The following SCAMP1 variants were observed in gnomAD, a reference collection of about 807,000 sequenced individuals.
SCAMP1 encodes secretory carrier membrane protein 1, also known as secretory carrier-associated membrane protein 1.
Under a neutral mutation model 41.8 loss-of-function variants are expected in SCAMP1, and 15 were observed. The observed-to-expected ratio is 0.36, with a 90% CI of 0.24 to 0.55. The LOEUF (loss-of-function observed/expected upper bound fraction) is 0.55. Among genes scored for constraint, SCAMP1 ranks in the 20% least tolerant of loss-of-function variants. The probability of loss-of-function intolerance (pLI) is 0.86; values close to 1 mark genes in which losing one functional copy is unlikely to be tolerated. For missense variants in SCAMP1, 341 were observed against 412.6 expected, an observed-to-expected ratio of 0.83 and a Z score of 1.50; for synonymous variants, 135 against 136.8, an observed-to-expected ratio of 0.99 and a Z score of 0.09.
At chr5:78,440,145 G>A (rs1384743913) in intron 6 of SCAMP1, among the ~76,000 whole-genome samples, 3 of 152,128 alleles carry the variant, frequency 2.0e-5, no homozygotes, top group African/African-American at 2.4e-5. Flanking sequence ...TGATGGGTTT[G>A]AACATCCTCC....
chr5:78,362,616 T>G lies in SCAMP1; in HGVS notation c.57+1888T>G, dbSNP rs114587656. On this transcript the variant is annotated intron_variant, in intron 1 of 8. Coordinates refer to ENST00000621999, the MANE Select transcript of SCAMP1 (RefSeq NM_004866.6). ...GCATCAGGGACAGATCATTTAGGTC[T>G]AAAGTAGACTTGGTTGTACACATAT... Among the ~76,000 whole-genome samples, 1,348 of 152,360 alleles carry G rather than the reference T, an allele frequency of 8.8e-3. 16 individuals carry two copies. Among genetic ancestry groups the G allele is most frequent in the African/African-American group, 0.031 (1,270 of 41,584 alleles).
chr5:78,364,008 G>A (rs1750732093), intron 1 of SCAMP1, among the ~76,000 whole-genome samples: 1 of 152,206 alleles, frequency 6.6e-6, no homozygotes, highest in Non-Finnish European at 1.5e-5. Flanking sequence ...TTAAAATGGG[G>A]TTTTAAAGCT....
rs1754017586 is a variant in SCAMP1, at chr5:78,476,869, A to G, written c.*1201A>G. On this transcript the variant is annotated 3_prime_UTR_variant, in exon 9 of 9. Coordinates refer to ENST00000621999, the MANE Select transcript of SCAMP1 (RefSeq NM_004866.6). ...TAAATACAGTTAACTGCATTAAGATAATCACGTTAAAATTGTTACTATGCA... is the reference window on the plus strand; with the variant it reads ...TAAATACAGTTAACTGCATTAAGATGATCACGTTAAAATTGTTACTATGCA... 6.6e-6 allele frequency: 1 copy of G among 152,276 alleles called. No individual in the cohort carries two copies. 9.4% of individuals were successfully genotyped at this position (152,276 alleles called of 1,614,324 possible). A position where few individuals can be genotyped will look rare whatever the true frequency, so the allele number is the denominator to read the frequency against.
chr5:78,421,998 C>A, intron 6 of SCAMP1, 38 bp downstream of exon 6: 1 of 1,526,052 alleles, frequency 6.6e-7, no homozygotes, highest in Non-Finnish European at 9.0e-7. Context: ...TCTTTAAAAC[C>A]TGTGAAGTAA....
intron 2 of SCAMP1, among the ~76,000 whole-genome samples, chr5:78,390,745 G>A (rs1418789863): frequency 1.3e-5 from 2 of 150,420 alleles, no homozygotes; most frequent in African/African-American, 4.9e-5. Flanking sequence ...GGGAAGGTCA[G>A]CAGATAAACA....
In SCAMP1 at chr5:78,460,781, C is replaced by T. The variant is rs928375272; in HGVS notation, c.852+1419C>T. On this transcript the variant is annotated intron_variant, in intron 8 of 8. Transcript: ENST00000621999. Reference sequence around the variant, plus strand: ...CCTTCCTTCCTTCCTTCCTTCCTTCCTTCCTTCCTTCCTTCCTTCCTTCCT... The same window carrying T: ...CCTTCCTTCCTTCCTTCCTTCCTTCTTTCCTTCCTTCCTTCCTTCCTTCCT... Among the ~76,000 whole-genome samples the T allele has an allele frequency of 3.8e-4, 16 of 42,212 alleles. No homozygotes were observed. The East Asian group carries it at 4.8e-3, about 13-fold the overall frequency. 27.7% of individuals were successfully genotyped at this position (42,212 alleles called of 152,430 possible). A position where few individuals can be genotyped will look rare whatever the true frequency, so the allele number is the denominator to read the frequency against.
At chr5:78,438,667 G>A (rs1752831079) in intron 6 of SCAMP1, among the ~76,000 whole-genome samples, 1 of 152,186 alleles carries the variant, frequency 6.6e-6, no homozygotes, top group African/African-American at 2.4e-5. Context: ...GTGCAATGTA[G>A]TGCTGAGAAG....
At chr5:78,460,809 CTTCCTTCCTTCCTTTCTT>C (rs1202557955) in intron 8 of SCAMP1, among the ~76,000 whole-genome samples, 1 of 26,258 alleles carries the variant, frequency 3.8e-5, no homozygotes, top group Non-Finnish European at 8.2e-5. Flanking sequence ...TCCTTCCTCC[CTTCCTTCCTTCCTTTCTT>C]GTCTTTCCTC....
intron 2 of SCAMP1, among the ~76,000 whole-genome samples, chr5:78,397,693 G>A (rs1751686331): frequency 6.6e-6 from 1 of 152,196 alleles, no homozygotes; most frequent in Non-Finnish European, 1.5e-5. Context: ...AGCTGAGGTG[G>A]ATGGATCATT....
At chr5:78,468,189 C>T (rs1232865282) in intron 8 of SCAMP1, among the ~76,000 whole-genome samples, 1 of 152,084 alleles carries the variant, frequency 6.6e-6, no homozygotes, top group Admixed American at 6.6e-5. Flanking sequence ...TTTGTTTCCC[C>T]CACAGTGTTG....
intron 1 of SCAMP1, among the ~76,000 whole-genome samples, chr5:78,387,236 C>T (rs1352347874): frequency 2.6e-5 from 4 of 151,870 alleles, no homozygotes; most frequent in South Asian, 2.1e-4. Context: ...TCTACTAGCT[C>T]GATTTTATTG....
chr5:78,429,329 C>T (rs1216939385), intron 6 of SCAMP1, among the ~76,000 whole-genome samples: 1 of 141,666 alleles, frequency 7.1e-6, no homozygotes. Context: ...TCTTGTGTTT[C>T]CAGTTTGTTG....
At chr5:78,460,690 A>T (rs1218019942) in intron 8 of SCAMP1, among the ~76,000 whole-genome samples, 1 of 113,652 alleles carries the variant, frequency 8.8e-6, no homozygotes, top group Non-Finnish European at 2.0e-5. Flanking sequence ...CCCATCCTGT[A>T]GATTGTCTCT....
At chr5:78,451,460 C>T (rs1753223435) in intron 7 of SCAMP1, among the ~76,000 whole-genome samples, 1 of 152,162 alleles carries the variant, frequency 6.6e-6, no homozygotes, top group Non-Finnish European at 1.5e-5. Flanking sequence ...CATAGCCACT[C>T]TCAAAACTCC....
intron 2 of SCAMP1, among the ~76,000 whole-genome samples, chr5:78,394,217 A>G (rs1037646479): frequency 1.3e-5 from 2 of 152,176 alleles, no homozygotes; most frequent in African/African-American, 2.4e-5. Context: ...TACTGCCTCT[A>G]ACATAATTCA....
At chr5:78,429,162 A>G (rs1752537058) in intron 6 of SCAMP1, among the ~76,000 whole-genome samples, 1 of 152,076 alleles carries the variant, frequency 6.6e-6, no homozygotes, top group Non-Finnish European at 1.5e-5. Context: ...TGCTTTATTA[A>G]ACTGGCTACA....
intron 1 of SCAMP1, among the ~76,000 whole-genome samples, chr5:78,374,481 G>A (rs1436955357): frequency 1.3e-5 from 2 of 152,106 alleles, no homozygotes; most frequent in African/African-American, 4.8e-5. Flanking sequence ...TTGCTTAAAA[G>A]TGCTGCTGGC....
intron 6 of SCAMP1, among the ~76,000 whole-genome samples, chr5:78,426,274 A>G (rs1357890256): frequency 6.6e-6 from 1 of 152,152 alleles, no homozygotes; most frequent in Non-Finnish European, 1.5e-5. Flanking sequence ...ATGTGTCTTT[A>G]TGGCAGAATG....
chr5:78,366,144 C>CT (rs781191155), intron 1 of SCAMP1, among the ~76,000 whole-genome samples: 28,542 of 135,570 alleles, frequency 0.21, 4,070 homozygotes, highest in Admixed American at 0.36. Flanking sequence ...CTTTTCTTTT[C>CT]TTTTCTTTTT....
Sources: gnomAD v4.1 joint callset for allele counts (sites outside exome capture counted in the v4.1 genomes callset) on GRCh38, gnomAD v4.1.1 for gene constraint, MANE v1.5 for transcripts, NCBI Gene and HGNC (gene_info 2026-07-23, HGNC 2026-07-21) for gene names.